CRACR2A: variants seen among roughly 807,000 people sequenced by gnomAD.
CRACR2A encodes EF-hand calcium-binding domain-containing protein 4B.
CRACR2A carries 79 observed loss-of-function variants against 90.5 expected under a neutral mutation model. The ratio of observed to expected loss-of-function variants is 0.87; its 90% CI spans 0.73 to 1.05. CRACR2A has a LOEUF of 1.05. CRACR2A is among the 50% of genes least tolerant of loss of function. The pLI is 0.00. For synonymous variants in CRACR2A, 338 were observed against 356.7 expected, an observed-to-expected ratio of 0.95 and a Z score of 0.59; for missense variants, 823 against 897.2, an observed-to-expected ratio of 0.92 and a Z score of 1.06.
At chr12:3,651,966 A>G (rs1009428338) in intron 10 of CRACR2A, among the ~76,000 whole-genome samples, 1 of 152,106 alleles carries the variant, frequency 6.6e-6, no homozygotes, top group Non-Finnish European at 1.5e-5. Context: ...GCCTCCCTGG[A>G]CGGGACATGC....
chr12:3,710,376 A>G (rs1945990332), intron 3 of CRACR2A, among the ~76,000 whole-genome samples: 1 of 152,176 alleles, frequency 6.6e-6, no homozygotes, highest in Non-Finnish European at 1.5e-5. Context: ...AACAATAGAC[A>G]TTTATTTCTC....
chr12:3,695,415 C>T (rs1945722302), intron 4 of CRACR2A, among the ~76,000 whole-genome samples: 1 of 152,102 alleles, frequency 6.6e-6, no homozygotes. Context: ...AGGTTGGGCT[C>T]AATTGTGGGC....
At chr12:3,749,795 TTGTGTGTGTGTGTG>T (rs200387314) in intron 1 of CRACR2A, among the ~76,000 whole-genome samples, 10,310 of 144,630 alleles carry the variant, frequency 0.071, 429 homozygotes, top group African/African-American at 0.12. Flanking sequence ...TGCTGTTTCT[TTGTGTGTGTGTGTG>T]TGTGTGTGTG....
At chr12:3,742,964 T>C (rs1431640356) in intron 1 of CRACR2A, among the ~76,000 whole-genome samples, 1 of 152,246 alleles carries the variant, frequency 6.6e-6, no homozygotes, top group Non-Finnish European at 1.5e-5. Context: ...TTTTTCCTAG[T>C]ACAAAGCACT....
At chr12:3,616,315 A>C (rs1487339000) in intron 19 of CRACR2A, among the ~76,000 whole-genome samples, 1 of 152,270 alleles carries the variant, frequency 6.6e-6, no homozygotes, top group Non-Finnish European at 1.5e-5. Flanking sequence ...GGACGGATGA[A>C]TAGATGGAAT....
At chr12:3,642,300 T>A (rs895297049) in intron 12 of CRACR2A, among the ~76,000 whole-genome samples, 1 of 152,306 alleles carries the variant, frequency 6.6e-6, no homozygotes, top group South Asian at 2.1e-4. Context: ...CACTGCAGCC[T>A]CAAACTCCTG....
At chr12:3,718,196 A>T (rs1047205799) in intron 2 of CRACR2A, among the ~76,000 whole-genome samples, 1 of 152,222 alleles carries the variant, frequency 6.6e-6, no homozygotes, top group African/African-American at 2.4e-5. Flanking sequence ...AGTGCTAATT[A>T]TATTATTACT....
intron 1 of CRACR2A, among the ~76,000 whole-genome samples, chr12:3,751,774 G>T (rs1349508349): frequency 9.5e-6 from 1 of 105,480 alleles, no homozygotes; most frequent in Non-Finnish European, 2.1e-5. Flanking sequence ...ACAGGACCTC[G>T]GAAGCCGTAC....
At chr12:3,694,566 A>G (rs1945705567) in intron 4 of CRACR2A, among the ~76,000 whole-genome samples, 2 of 152,176 alleles carry the variant, frequency 1.3e-5, no homozygotes, top group African/African-American at 4.8e-5. Context: ...TGTGGAAGTG[A>G]CAAGCCAACA....
intron 4 of CRACR2A, among the ~76,000 whole-genome samples, chr12:3,682,922 A>G (rs1945484706): frequency 1.3e-5 from 2 of 151,926 alleles, no homozygotes; most frequent in South Asian, 4.2e-4. Flanking sequence ...AGCTGGGACT[A>G]CAAACGCCCA....
At chr12:3,628,674 T>C (rs368028263) in intron 15 of CRACR2A, among the ~76,000 whole-genome samples, 5 of 152,264 alleles carry the variant, frequency 3.3e-5, no homozygotes, top group African/African-American at 1.2e-4. Flanking sequence ...TGCAAAGGCA[T>C]AAAGAGGTTC....
Position 3,627,692 on chromosome 12 carries a change from C to A in CRACR2A, c.1750G>T (p.Val584Leu). The A allele has an allele frequency of 6.4e-7, 1 of 1,551,792 alleles. No homozygotes were observed. The highest frequency in any genetic ancestry group is 8.7e-7 in the Non-Finnish European group (1 of 1,147,014). Reference sequence around the variant, plus strand: ...GAGTTGTCCACATTCAACGTCTTCACACGGTAATCAATGCCTGCAGGGTGA... The same window carrying A: ...GAGTTGTCCACATTCAACGTCTTCAAACGGTAATCAATGCCTGCAGGGTGA... ...MAATVGIDYR[V>L]KTLNVDNSQV... Residue 584 changes from valine (V) to leucine (L), a missense_variant, in exon 16 of 20, where the codon GTG becomes TTG. Physicochemically the swap from Val to Leu is conservative, Grantham distance 32. Transcript: ENST00000440314.
intron 8 of CRACR2A, among the ~76,000 whole-genome samples, chr12:3,657,569 C>A (rs1387166682): frequency 6.6e-6 from 1 of 152,170 alleles, no homozygotes; most frequent in Non-Finnish European, 1.5e-5. Flanking sequence ...GGTAAATGGG[C>A]AGAAGAACCA....
At chr12:3,672,773 G>A in intron 7 of CRACR2A, 1 of 985,400 alleles carries the variant, frequency 1.0e-6, no homozygotes, top group South Asian at 4.7e-5. Flanking sequence ...GCTTCTTCAG[G>A]GCTGTGAGTG....
chr12:3,643,070 C>T (rs888153244), intron 12 of CRACR2A, among the ~76,000 whole-genome samples: 4 of 152,142 alleles, frequency 2.6e-5, no homozygotes, highest in African/African-American at 9.7e-5. Flanking sequence ...TGAAGGGATT[C>T]GGGTGACATT....
At chr12:3,712,221 C>A (rs1946015036) in intron 3 of CRACR2A, among the ~76,000 whole-genome samples, 3 of 123,150 alleles carry the variant, frequency 2.4e-5, no homozygotes, top group African/African-American at 1.0e-4. Context: ...GGGAAGTTGG[C>A]CATTTTTTTT....
chr12:3,745,825 T>TAAAATAAAATAAAATAAAATAAAG (rs149739964), intron 1 of CRACR2A, among the ~76,000 whole-genome samples: 10,462 of 100,164 alleles, frequency 0.1, 1,287 homozygotes, highest in African/African-American at 0.13. Context: ...TAAAATAAAA[T>TAAAATAAAATAAAATAAAATAAAG]AAAGAAAGAA....
Position 3,644,586 on chromosome 12 carries a change from G to A in CRACR2A, c.1164+9C>T, listed in dbSNP as rs761212972. ...GTCCCCCACAGGTAAGGGAGAACTG[G>A]CCAATTACCTGAAAACATATGTCCC... is the stretch of plus-strand genomic sequence containing the variant. On this transcript the variant is annotated intron_variant, in intron 12 of 19. Transcript: ENST00000440314. The A allele has an allele frequency of 6.4e-7, 1 of 1,551,192 alleles. No homozygotes were observed. The highest frequency in any genetic ancestry group is 1.2e-5 in the South Asian group (1 of 84,034).
chr12:3,719,976 G>A (rs887022215), intron 2 of CRACR2A, among the ~76,000 whole-genome samples: 2 of 151,728 alleles, frequency 1.3e-5, no homozygotes, highest in East Asian at 1.9e-4. Flanking sequence ...AAAATTAGCT[G>A]GGCGTGGTGG....
Sources: allele counts gnomAD v4.1 joint callset (sites outside exome capture counted in the v4.1 genomes callset), GRCh38; gene constraint gnomAD v4.1.1; transcripts MANE v1.5; gene names NCBI Gene and HGNC (gene_info 2026-07-23, HGNC 2026-07-21).